Variants in CTNNA3 observed in about 807,000 individuals in gnomAD.
CTNNA3 encodes catenin alpha 3.
Under a neutral mutation model 95.7 loss-of-function variants are expected in CTNNA3, and 76 were observed. That is an observed-to-expected ratio of 0.79 (90% CI 0.66 to 0.96). The LOEUF (loss-of-function observed/expected upper bound fraction) is 0.96. Among genes scored for constraint, CTNNA3 ranks in the 40% least tolerant of loss-of-function variants. The probability of loss-of-function intolerance (pLI) is 0.00; values close to 1 mark genes in which losing one functional copy is unlikely to be tolerated. For synonymous variants in CTNNA3, 431 were observed against 374.4 expected, an observed-to-expected ratio of 1.15 and a Z score of -1.74; for missense variants, 1,191 against 1,089.8, an observed-to-expected ratio of 1.09 and a Z score of -1.31.
intron 9 of CTNNA3, among the ~76,000 whole-genome samples, chr10:66,642,746 A>G (rs1845564200): frequency 6.6e-6 from 1 of 152,158 alleles, no homozygotes; most frequent in African/African-American, 2.4e-5. Flanking sequence ...GGCAAAGAAA[A>G]CTTTATTAGC....
chr10:67,416,607 C>CA (rs368513767), intron 5 of CTNNA3, among the ~76,000 whole-genome samples: 2,594 of 37,714 alleles, frequency 0.069, 196 homozygotes, highest in African/African-American at 0.088. Context: ...GACTCTGTCT[C>CA]AAAAAAAAAA....
At chr10:66,077,410 C>A (rs2080588710) in intron 14 of CTNNA3, among the ~76,000 whole-genome samples, 1 of 151,742 alleles carries the variant, frequency 6.6e-6, no homozygotes, top group African/African-American at 2.4e-5. Flanking sequence ...AAATATCATT[C>A]CATCTATAAC....
At chr10:66,767,747 A>T (rs1246003479) in intron 8 of CTNNA3, among the ~76,000 whole-genome samples, 5 of 152,212 alleles carry the variant, frequency 3.3e-5, no homozygotes, top group Non-Finnish European at 7.3e-5. Context: ...ACTGTCTTCT[A>T]TAATGATCAT....
intron 13 of CTNNA3, among the ~76,000 whole-genome samples, chr10:66,182,457 A>T (rs1284278503): frequency 1.3e-5 from 2 of 151,896 alleles, no homozygotes; most frequent in Non-Finnish European, 2.9e-5. Context: ...GGGTTTCACC[A>T]TGTTAGCCAG....
chr10:66,664,889 T>G (rs1366069805), intron 9 of CTNNA3, among the ~76,000 whole-genome samples: 1 of 134,522 alleles, frequency 7.4e-6, no homozygotes, highest in Non-Finnish European at 1.6e-5. Flanking sequence ...CTGAAAAAAT[T>G]AAAAAAAAAA....
chr10:67,108,290 GT>G (rs951999654), intron 7 of CTNNA3, among the ~76,000 whole-genome samples: 1 of 152,068 alleles, frequency 6.6e-6, no homozygotes, highest in East Asian at 1.9e-4. Context: ...AGCTACTTTA[GT>G]TTTTTTGAAT....
chr10:66,052,825 TAAAG>T (rs1432502569), intron 15 of CTNNA3, among the ~76,000 whole-genome samples: 1 of 151,980 alleles, frequency 6.6e-6, no homozygotes, highest in East Asian at 1.9e-4. Flanking sequence ...AGAAAATAAA[TAAAG>T]AATTAAGTAT....
intron 12 of CTNNA3, among the ~76,000 whole-genome samples, chr10:66,344,169 G>A (rs1399726874): frequency 6.7e-6 from 1 of 149,804 alleles, no homozygotes; most frequent in African/African-American, 2.4e-5. Flanking sequence ...AGAGGTTGTA[G>A]TGAGCCGAGA....
chr10:66,788,223 T>G (rs1840823211), intron 7 of CTNNA3, among the ~76,000 whole-genome samples: 1 of 152,144 alleles, frequency 6.6e-6, no homozygotes, highest in African/African-American at 2.4e-5. Flanking sequence ...AGGGTCAACG[T>G]TCCCCCTCAC....
At chr10:66,640,520 A>G (rs1845480129) in intron 9 of CTNNA3, among the ~76,000 whole-genome samples, 1 of 152,050 alleles carries the variant, frequency 6.6e-6, no homozygotes. Flanking sequence ...GCTTCTACCC[A>G]ATTCTACCTT....
At chr10:67,220,625 A>T (rs940368566) in intron 5 of CTNNA3, among the ~76,000 whole-genome samples, 14 of 152,342 alleles carry the variant, frequency 9.2e-5, no homozygotes, top group African/African-American at 3.4e-4. Context: ...AAGCTGCTTT[A>T]GGCTGAATGG....
intron 13 of CTNNA3, among the ~76,000 whole-genome samples, chr10:66,158,951 GCT>G (rs2084695401): frequency 6.6e-6 from 1 of 151,786 alleles, no homozygotes; most frequent in East Asian, 1.9e-4. Flanking sequence ...TTGATTTGAT[GCT>G]CTGCTTGGTC....
chr10:66,514,271 A>G (rs1840763113), intron 11 of CTNNA3, among the ~76,000 whole-genome samples: 1 of 152,170 alleles, frequency 6.6e-6, no homozygotes, highest in Non-Finnish European at 1.5e-5. Flanking sequence ...GCAAATACCT[A>G]TTAAGAGACT....
At chr10:66,203,130 C>T (rs570424390) in intron 13 of CTNNA3, among the ~76,000 whole-genome samples, 2 of 152,268 alleles carry the variant, frequency 1.3e-5, no homozygotes, top group Non-Finnish European at 2.9e-5. Context: ...TCACTGTTTT[C>T]TGATAGAAGA....
At chr10:65,932,055 G>A (rs988564411) in intron 17 of CTNNA3, among the ~76,000 whole-genome samples, 2 of 152,150 alleles carry the variant, frequency 1.3e-5, no homozygotes, top group Non-Finnish European at 2.9e-5. Flanking sequence ...GTAGGTGAGA[G>A]GGTGTGTGTA....
intron 1 of CTNNA3, among the ~76,000 whole-genome samples, chr10:67,665,377 A>G (rs116866876): frequency 0.033 from 5,091 of 152,296 alleles, 125 homozygotes; most frequent in Middle Eastern, 0.061. Flanking sequence ...TTAGTTATAA[A>G]AGTAAAAATT....
At chr10:66,746,320 T>G (rs2132712951) in intron 9 of CTNNA3, among the ~76,000 whole-genome samples, 1 of 152,284 alleles carries the variant, frequency 6.6e-6, no homozygotes, top group South Asian at 2.1e-4. Flanking sequence ...TTTGAATCCA[T>G]TTAGACCTAG....
intron 5 of CTNNA3, among the ~76,000 whole-genome samples, chr10:67,508,906 C>T (rs1839514834): frequency 2.0e-5 from 3 of 151,384 alleles, no homozygotes; most frequent in African/African-American, 4.9e-5. Context: ...ACCTAAGTCT[C>T]GCTCTTGTAC....
intron 11 of CTNNA3, among the ~76,000 whole-genome samples, chr10:66,507,768 T>G (rs1840503123): frequency 6.6e-6 from 1 of 152,164 alleles, no homozygotes; most frequent in Non-Finnish European, 1.5e-5. Context: ...ACATTTAGGT[T>G]CATTCCATAC....
Sources: allele counts gnomAD v4.1 joint callset (sites outside exome capture counted in the v4.1 genomes callset), GRCh38; gene constraint gnomAD v4.1.1; transcripts MANE v1.5; gene names NCBI Gene and HGNC (gene_info 2026-07-23, HGNC 2026-07-21).